The following ZNF536 variants were observed in gnomAD, a reference collection of about 807,000 sequenced individuals.
ZNF536 encodes zinc finger protein 536.
Under a neutral mutation model 84.5 loss-of-function variants are expected in ZNF536, and 13 were observed. That is an observed-to-expected ratio of 0.15 (90% confidence interval 0.10 to 0.24). The LOEUF (loss-of-function observed/expected upper bound fraction) is 0.24, where lower values mean the gene tolerates loss of function less well. ZNF536 is among the 10% of genes least tolerant of loss of function. The pLI, the probability that ZNF536 is intolerant of heterozygous loss-of-function variation, is 1.00. For missense variants in ZNF536, 1,536 were observed against 1,747.5 expected, an observed-to-expected ratio of 0.88 and a Z score of 2.16; for synonymous variants, 811 against 742.5, an observed-to-expected ratio of 1.09 and a Z score of -1.50.
At chr19:30,432,244 G>T (rs1426920975) in intron 1 of ZNF536, among the ~76,000 whole-genome samples, 1 of 152,108 alleles carries the variant, frequency 6.6e-6, no homozygotes, top group African/African-American at 2.4e-5. Flanking sequence ...ACTGCAGTCC[G>T]TGGATGTGAC....
At chr19:30,689,430 T>C (rs2051322302) in intron 1 of ZNF536, among the ~76,000 whole-genome samples, 1 of 152,238 alleles carries the variant, frequency 6.6e-6, no homozygotes, top group Non-Finnish European at 1.5e-5. Context: ...CAGGAACATT[T>C]TCTTTCAGGA....
chr19:30,596,691 G>A (rs974315568), intron 1 of ZNF536, among the ~76,000 whole-genome samples: 1 of 152,030 alleles, frequency 6.6e-6, no homozygotes, highest in Non-Finnish European at 1.5e-5. Context: ...AAGTAGTAAT[G>A]TTCCATGGGG....
chr19:30,608,353 ACTT>A (rs2047970366), intron 1 of ZNF536, among the ~76,000 whole-genome samples: 1 of 152,056 alleles, frequency 6.6e-6, no homozygotes, highest in South Asian at 2.1e-4. Flanking sequence ...GCAGGTAAAC[ACTT>A]CTTGGGATAA....
At chr19:30,604,920 C>G (rs1389771107) in intron 1 of ZNF536, among the ~76,000 whole-genome samples, 1 of 152,136 alleles carries the variant, frequency 6.6e-6, no homozygotes, top group Non-Finnish European at 1.5e-5. Context: ...AGGAAGGCAG[C>G]CAGAGTCCTT....
intron 2 of ZNF536, among the ~76,000 whole-genome samples, chr19:30,458,113 C>T (rs1485496918): frequency 1.3e-5 from 2 of 152,188 alleles, no homozygotes; most frequent in Non-Finnish European, 2.9e-5. Context: ...GAGGGCGGAA[C>T]GTCCCCACTT....
chr19:30,693,613 C>T lies in ZNF536; in HGVS notation c.170-17144C>T, dbSNP rs537606381. Among the ~76,000 whole-genome samples the T allele has an allele frequency of 9.2e-5, 14 of 152,028 alleles. No individual in the cohort carries two copies. The South Asian group carries it at 2.9e-3, about 32-fold the overall frequency. On this transcript the variant is annotated intron_variant, in intron 1 of 1. Transcript: ENST00000592773. ...AAAAAAAAAGAAAGACACCTCTCTT[C>T]TGTGTTTTATTTTATTTATTTATGT... is the stretch of plus-strand genomic sequence containing the variant.
At chr19:30,433,150 A>C (rs1414788513) in intron 1 of ZNF536, among the ~76,000 whole-genome samples, 1 of 152,124 alleles carries the variant, frequency 6.6e-6, no homozygotes, top group Non-Finnish European at 1.5e-5. Flanking sequence ...TCCCTTGGGC[A>C]CATGTGGCCT....
At chr19:30,238,119 T>A (rs907599649) in intron 1 of ZNF536, among the ~76,000 whole-genome samples, 1 of 152,234 alleles carries the variant, frequency 6.6e-6, no homozygotes, top group Non-Finnish European at 1.5e-5. Flanking sequence ...AGCTATTCAA[T>A]GAATGGCCAG....
At chr19:30,303,612 C>G (rs926697802) in intron 2 of ZNF536, among the ~76,000 whole-genome samples, 1 of 151,998 alleles carries the variant, frequency 6.6e-6, no homozygotes, top group African/African-American at 2.4e-5. Context: ...AAGGGATTCT[C>G]GTGCCTCAGC....
At chr19:30,508,994 A>G (rs2055294600) in intron 2 of ZNF536, among the ~76,000 whole-genome samples, 1 of 150,418 alleles carries the variant, frequency 6.6e-6, no homozygotes, top group African/African-American at 2.4e-5. Context: ...AACACAGGTG[A>G]CTAATTTTTA....
intron 2 of ZNF536, among the ~76,000 whole-genome samples, chr19:30,505,152 A>G (rs2055115444): frequency 6.6e-6 from 1 of 151,318 alleles, no homozygotes; most frequent in Non-Finnish European, 1.5e-5. Context: ...CCCCCCAAAT[A>G]AGTGTCTGCC....
At chr19:30,686,751 C>T (rs1305444786) in intron 1 of ZNF536, among the ~76,000 whole-genome samples, 4 of 152,156 alleles carry the variant, frequency 2.6e-5, no homozygotes, top group Middle Eastern at 3.2e-3. Flanking sequence ...ACACTCTCAT[C>T]GCCTTCATTA....
chr19:30,251,248 A>G (rs547528439), intron 1 of ZNF536, among the ~76,000 whole-genome samples: 2 of 152,220 alleles, frequency 1.3e-5, no homozygotes, highest in East Asian at 3.9e-4. Context: ...ACGAGAAACC[A>G]TTTCTGATGC....
intron 1 of ZNF536, among the ~76,000 whole-genome samples, chr19:30,613,212 T>C (rs1486487384): frequency 1.3e-5 from 2 of 152,346 alleles, no homozygotes; most frequent in South Asian, 4.1e-4. Context: ...GTTTCTCAGC[T>C]GTCAATTTTT....
At chr19:30,446,248 CAAAAAAAAAAAAAA>C (rs1177505634) in intron 2 of ZNF536, among the ~76,000 whole-genome samples, 2 of 29,178 alleles carry the variant, frequency 6.9e-5, no homozygotes, top group East Asian at 1.0e-3. Context: ...GACACTGTCT[CAAAAAAAAAAAAAA>C]AAAAAAAAAA....
At chr19:30,662,538 G>GC (rs1325842048) in intron 1 of ZNF536, among the ~76,000 whole-genome samples, 1 of 145,320 alleles carries the variant, frequency 6.9e-6, no homozygotes, top group African/African-American at 2.8e-5. Context: ...TCCCGCAGAT[G>GC]GGGGGGGATA....
chr19:30,264,930 C>CAT (rs1555778073), intron 1 of ZNF536, among the ~76,000 whole-genome samples: 2 of 135,612 alleles, frequency 1.5e-5, no homozygotes, highest in African/African-American at 5.6e-5. Context: ...TGTCAATAGT[C>CAT]GTGTGTGTGT....
At chr19:30,677,158 G>A (rs1204951086) in intron 1 of ZNF536, among the ~76,000 whole-genome samples, 4 of 152,188 alleles carry the variant, frequency 2.6e-5, no homozygotes, top group South Asian at 2.1e-4. Context: ...CTGGGCTGCC[G>A]CAATCTCCCT....
At chr19:30,463,680 C>T (rs1050385767) in intron 2 of ZNF536, among the ~76,000 whole-genome samples, 3 of 152,198 alleles carry the variant, frequency 2.0e-5, no homozygotes, top group Non-Finnish European at 2.9e-5. Flanking sequence ...CTTTGCCCAG[C>T]AGCCAACTGG....
Sources: allele counts gnomAD v4.1 joint callset (sites outside exome capture counted in the v4.1 genomes callset), GRCh38; gene constraint gnomAD v4.1.1; transcripts MANE v1.5; gene names NCBI Gene and HGNC (gene_info 2026-07-23, HGNC 2026-07-21).